Variants in MCOLN1 observed in about 807,000 individuals in gnomAD.
MCOLN1 encodes the protein mucolipin TRP cation channel 1.
In MCOLN1, 50 loss-of-function variants were observed where a neutral mutation model predicts 70.3. The ratio of observed to expected loss-of-function variants is 0.71; its 90% confidence interval spans 0.57 to 0.90. MCOLN1 has a LOEUF of 0.90. Ranked by LOEUF, MCOLN1 falls within the 40% of genes least tolerant of loss-of-function variation. The probability of loss-of-function intolerance (pLI) is 0.00; values close to 1 mark genes in which losing one functional copy is unlikely to be tolerated. For missense variants in MCOLN1, 598 were observed against 803.5 expected (o/e 0.74, Z 3.09); for synonymous variants, 366 against 341.0 (o/e 1.07, Z -0.81).
At chr19:7,529,510 C>CCCCCCCCCCCAAAGGGGG in intron 10 of MCOLN1, 80 bp from the exon 11 acceptor site, 1 of 912,890 alleles carries the variant, frequency 1.1e-6, no homozygotes, top group Non-Finnish European at 1.7e-6. Context: ...GGCCCCGCCC[C>CCCCCCCCCCCAAAGGGGG]TCCCACCCCC....
Position 7,529,849 on chromosome 19 carries a change from C to A in MCOLN1, c.1359+137C>A. The A allele has an allele frequency of 1.8e-5, 19 of 1,059,526 alleles. No individual in the cohort carries two copies. The South Asian group carries it at 2.3e-4, about 13-fold the overall frequency. 65.6% of individuals were successfully genotyped at this position (1,059,526 alleles called of 1,614,324 possible). A position where few individuals can be genotyped will look rare whatever the true frequency, so the allele number is the denominator to read the frequency against. ...GGTCCTTGGTGACCCTGACACTGAC[C>A]CTGTGCCATTATTGTTGTCACAGTT... On this transcript the variant is annotated intron_variant, in intron 11 of 13. Transcript: ENST00000264079.
intron 1 of MCOLN1, among the ~76,000 whole-genome samples, chr19:7,523,053 C>T (rs889608714): frequency 6.6e-6 from 1 of 152,172 alleles, no homozygotes; most frequent in Non-Finnish European, 1.5e-5. Flanking sequence ...CGGCGAGGTT[C>T]CTGGGATTCC....
At chr19:7,529,492 C>T (rs995531146) in intron 10 of MCOLN1, 98 bp from the exon 11 acceptor site, 1 of 1,402,156 alleles carries the variant, frequency 7.1e-7, no homozygotes. Flanking sequence ...CGGCTGTGCC[C>T]TCGGCAAGGC....
chr19:7,528,373 C>A lies in MCOLN1; in HGVS notation c.877+116C>A. 9.2e-7 allele frequency: 1 copy of A among 1,090,694 alleles called. No homozygotes were observed. Among genetic ancestry groups the A allele is most frequent in the Non-Finnish European group, 1.4e-6 (1 of 727,440 alleles). 67.6% of individuals were successfully genotyped at this position (1,090,694 alleles called of 1,614,324 possible). A position where few individuals can be genotyped will look rare whatever the true frequency, so the allele number is the denominator to read the frequency against. On this transcript the variant is annotated intron_variant, in intron 7 of 13. Coordinates refer to ENST00000264079, the MANE Select transcript of MCOLN1 (RefSeq NM_020533.3). The surrounding 1 kb of genome is among the most constrained non-coding windows in gnomAD (Gnocchi z 4.2). ...GTGACCTCCCCAGGAATCCGCTGAG[C>A]CTCAGATCAGCACAGACCAGGGACC... is the stretch of plus-strand genomic sequence containing the variant.
intron 10 of MCOLN1, 63 bp downstream of exon 10, chr19:7,529,265 C>G: frequency 6.9e-7 from 1 of 1,448,020 alleles, no homozygotes; most frequent in South Asian, 1.1e-5. Context: ...AAATAAATCC[C>G]TACACACGCA....
Position 7,522,671 on chromosome 19 carries a change from G to T in MCOLN1, c.-80G>T, listed in dbSNP as rs1260367247. ...GTTTGAAGCCGCGCCGCGAGGGAGC[G>T]AGGTCGCAGTGACAGCGGCGGGCGA... On this transcript the variant is annotated 5_prime_UTR_variant, in exon 1 of 14. Transcript: ENST00000264079. 5.8e-6 allele frequency: 8 copies of T among 1,373,248 alleles called. No homozygotes were observed. Among genetic ancestry groups the T allele is most frequent in the Non-Finnish European group, 7.7e-6 (8 of 1,044,294 alleles). The allele number at this position is 1,373,248 out of a possible 1,614,324, so 85.1% of individuals were successfully genotyped here.
rs1328024826 is a variant in MCOLN1 at position 7,526,167 on chromosome 19, G to C, written c.238-272G>C. 1.8e-6 allele frequency: 1 copy of C among 551,400 alleles called. No individual in the cohort carries two copies. Among genetic ancestry groups the C allele is most frequent in the Non-Finnish European group, 3.3e-6 (1 of 305,040 alleles). 34.2% of individuals were successfully genotyped at this position (551,400 alleles called of 1,614,324 possible). ...CATTTAATGAACGTTAGTCCCTGCA[G>C]TGAGATAGATGAGTCCCCACCCTGT... On this transcript the variant is annotated intron_variant, in intron 2 of 13. Coordinates refer to ENST00000264079, the MANE Select transcript of MCOLN1 (RefSeq NM_020533.3). This position sits in a 1 kb window ranked among gnomAD's most constrained non-coding sequence, Gnocchi z 4.6.
At chr19:7,529,501 G>GGCCCCCCCC in intron 10 of MCOLN1, 89 bp from the exon 11 acceptor site, 2 of 747,244 alleles carry the variant, frequency 2.7e-6, no homozygotes, top group Non-Finnish European at 2.3e-6. Flanking sequence ...CCTCGGCAAG[G>GGCCCCCCCC]CCCCGCCCCT....
intron 10 of MCOLN1, 91 bp from the exon 11 acceptor site, chr19:7,529,499 A>G: frequency 9.9e-7 from 1 of 1,014,190 alleles, no homozygotes; most frequent in Non-Finnish European, 1.5e-6. Context: ...GCCCTCGGCA[A>G]GGCCCCGCCC....
In MCOLN1 at chr19:7,527,536, T is replaced by C; in HGVS notation, c.588T>C (p.Asp196=). ...TGTCCTTAGACTGCATCCAGGTGGA[T>C]CCCCCCGAGCGGCCCCCTCCGCCCC... ...PMVVTDCIQV[D]PPERPPPPPS... is the part of the protein sequence containing the mutation. The change falls in exon 5 of 14, where the codon GAT becomes GAC. Residue 196 remains aspartate, a synonymous_variant. Transcript: ENST00000264079. The C allele has an allele frequency of 6.5e-7, 1 of 1,548,738 alleles. No homozygotes were observed. The highest frequency in any genetic ancestry group is 8.9e-7 in the Non-Finnish European group (1 of 1,120,262).
chr19:7,522,729 C>T lies in MCOLN1; in HGVS notation c.-22C>T. The T allele has an allele frequency of 2.8e-6, 4 of 1,452,748 alleles. No individual in the cohort carries two copies. The highest frequency in any genetic ancestry group is 1.3e-5 in the South Asian group (1 of 74,112). The allele number at this position is 1,452,748 out of a possible 1,614,324, so 90.0% of individuals were successfully genotyped here. A position where few individuals can be genotyped will look rare whatever the true frequency, so the allele number is the denominator to read the frequency against. On this transcript the variant is annotated 5_prime_UTR_variant, in exon 1 of 14. Transcript: ENST00000264079. ...CAGGCTGCCCCGCCGTACCCGCCTGCGTCCCGCGCTCCCGCCCCAGCATGA... is the reference window on the plus strand; with the variant it reads ...CAGGCTGCCCCGCCGTACCCGCCTGTGTCCCGCGCTCCCGCCCCAGCATGA...
At chr19:7,531,834 AT>A (rs1335451195) in intron 12 of MCOLN1, among the ~76,000 whole-genome samples, 3 of 151,872 alleles carry the variant, frequency 2.0e-5, no homozygotes, top group Non-Finnish European at 4.4e-5. Flanking sequence ...TGCCTGGCTA[AT>A]TTTTGTATTT....
intron 12 of MCOLN1, among the ~76,000 whole-genome samples, chr19:7,532,679 C>T (rs1328796226): frequency 6.6e-6 from 1 of 152,188 alleles, no homozygotes; most frequent in African/African-American, 2.4e-5. Context: ...CAAGCCACTG[C>T]ACTCCAACGT....
chr19:7,526,581 A>T lies in MCOLN1; in HGVS notation c.380A>T (p.Gln127Leu), dbSNP rs1346008951. Residue 127 changes from glutamine to leucine, a missense_variant, in exon 3 of 14, where the codon CAG becomes CTG. Coordinates refer to ENST00000264079, the MANE Select transcript of MCOLN1 (RefSeq NM_020533.3). The surrounding 1 kb of genome is among the most constrained non-coding windows in gnomAD (Gnocchi z 4.6). ...GCCTACACGCGGGAGCAGCTGTACC[A>T]GGCCATCTTCCATGCTGTGGACCAG... ...FAAYTREQLYQAIFHAVDQYL... is the reference protein window; with the variant it reads ...FAAYTREQLYLAIFHAVDQYL... 1 of 1,613,526 alleles carries T rather than the reference A, an allele frequency of 6.2e-7. No individual in the cohort carries two copies. The highest frequency in any genetic ancestry group is 1.1e-5 in the South Asian group (1 of 91,082).
rs886054692 is a variant in MCOLN1, at chr19:7,522,664, A to T, written c.-87A>T. 261 of 1,346,666 alleles carry T rather than the reference A, an allele frequency of 1.9e-4. No homozygotes were observed. The highest frequency in any genetic ancestry group is 2.5e-4 in the Non-Finnish European group (253 of 1,021,968). 83.4% of individuals were successfully genotyped at this position (1,346,666 alleles called of 1,614,324 possible). A position where few individuals can be genotyped will look rare whatever the true frequency, so the allele number is the denominator to read the frequency against. ...CCGGAGGGTTTGAAGCCGCGCCGCGAGGGAGCGAGGTCGCAGTGACAGCGG... is the reference window on the plus strand; with the variant it reads ...CCGGAGGGTTTGAAGCCGCGCCGCGTGGGAGCGAGGTCGCAGTGACAGCGG... On this transcript the variant is annotated 5_prime_UTR_variant, in exon 1 of 14. Transcript: ENST00000264079.
chr19:7,525,995 G>A lies in MCOLN1; in HGVS notation c.238-444G>A, dbSNP rs1192079099. 2 of 222,340 alleles carry A rather than the reference G, an allele frequency of 9.0e-6. No individual in the cohort carries two copies. The highest frequency in any genetic ancestry group is 1.8e-5 in the Non-Finnish European group (2 of 109,660). The allele number at this position is 222,340 out of a possible 1,614,324, so 13.8% of individuals were successfully genotyped here. On this transcript the variant is annotated intron_variant, in intron 2 of 13. Transcript: ENST00000264079. The surrounding 1 kb of genome is among the most constrained non-coding windows in gnomAD (Gnocchi z 4.2). ...GAGAATTGCTTGAACCCAGGGGGTG[G>A]AGGTTGTAGTGAGCTGAGATCATAC... is the stretch of plus-strand genomic sequence containing the variant.
Position 7,526,764 on chromosome 19 carries a change from C to G in MCOLN1, c.409C>G (p.Leu137Val), listed in dbSNP as rs1247774384. ...CCCTCCCCTTCTCTGCCCACAGTAC[C>G]TGGCGTTGCCTGACGTGTCACTGGG... ...QAIFHAVDQYLALPDVSLGRY... is the reference protein window; with the variant it reads ...QAIFHAVDQYVALPDVSLGRY... The change falls in exon 4 of 14, where the codon CTG becomes GTG. Residue 137 changes from leucine (L) to valine (V), a missense_variant. Around this residue, in one of 3 missense-constraint regions of MCOLN1, gnomAD observed 461 missense variants for 588.4 expected, o/e 0.78. Coordinates refer to ENST00000264079, the MANE Select transcript of MCOLN1 (RefSeq NM_020533.3). The surrounding 1 kb of genome is among the most constrained non-coding windows in gnomAD (Gnocchi z 4.6). 1 of 1,613,976 alleles carries G rather than the reference C, an allele frequency of 6.2e-7. No homozygotes were observed. Among genetic ancestry groups the G allele is most frequent in the African/African-American group, 1.3e-5 (1 of 75,052 alleles).
intron 12 of MCOLN1, 84 bp from the exon 13 acceptor site, chr19:7,533,439 T>G (rs2022695556): frequency 6.3e-7 from 1 of 1,577,624 alleles, no homozygotes; most frequent in Non-Finnish European, 8.6e-7. Flanking sequence ...GCGATGCAGA[T>G]ATGGCTGGAG....
At chr19:7,527,112 G>C (rs924949179) in intron 4 of MCOLN1, 186 bp downstream of exon 4, 15 of 734,624 alleles carry the variant, frequency 2.0e-5, no homozygotes, top group Non-Finnish European at 3.0e-5. Flanking sequence ...TTGTCTCTAC[G>C]CACAAACAAA....
Sources: gnomAD v4.1 joint callset for allele counts (sites outside exome capture counted in the v4.1 genomes callset) on GRCh38, gnomAD v4.1.1 for gene constraint, gnomAD v4.1.1 regional missense constraint, Gnocchi (gnomAD v3.1) non-coding constraint, MANE v1.5 for transcripts, NCBI Gene and HGNC (gene_info 2026-07-23, HGNC 2026-07-21) for gene names.